Variants in UGT1A6 observed in about 807,000 individuals in gnomAD.
UGT1A6 encodes the protein UDP glucuronosyltransferase family 1 member A6.
A neutral mutation model predicts 44.4 loss-of-function variants in UGT1A6; 32 were observed. That is an observed-to-expected ratio of 0.72 (90% CI 0.54 to 0.97). UGT1A6 has a LOEUF of 0.97. Ranked by LOEUF, UGT1A6 falls within the 50% of genes least tolerant of loss-of-function variation. The probability of loss-of-function intolerance (pLI) is 0.00; values close to 1 mark genes in which losing one functional copy is unlikely to be tolerated. For synonymous variants in UGT1A6, 238 were observed against 248.5 expected, an observed-to-expected ratio of 0.96 and a Z score of 0.40; for missense variants, 685 against 661.9, an observed-to-expected ratio of 1.03 and a Z score of -0.38.
intron 1 of UGT1A6, among the ~76,000 whole-genome samples, chr2:233,737,817 A>C (rs1486472314): frequency 6.6e-6 from 1 of 152,110 alleles, no homozygotes; most frequent in Admixed American, 6.5e-5. Flanking sequence ...TCAGTGGAGC[A>C]GAACAAATTG....
intron 1 of UGT1A6, among the ~76,000 whole-genome samples, chr2:233,726,737 G>T (rs1199458141): frequency 6.6e-6 from 1 of 152,134 alleles, no homozygotes; most frequent in Non-Finnish European, 1.5e-5. Flanking sequence ...TACTTTTGTG[G>T]GGCTGTGATT....
chr2:233,731,097 C>G (rs1453448635), intron 1 of UGT1A6, among the ~76,000 whole-genome samples: 1 of 151,946 alleles, frequency 6.6e-6, no homozygotes, highest in African/African-American at 2.4e-5. Flanking sequence ...ATTTCTGTGC[C>G]TTTTTTATAA....
chr2:233,692,638 A>T (rs1027065840), upstream of UGT1A6, among the ~76,000 whole-genome samples: 1 of 152,230 alleles, frequency 6.6e-6, no homozygotes, highest in East Asian at 1.9e-4. Context: ...GACAACGTCA[A>T]TGATGAGGAA....
intron 1 of UGT1A6, among the ~76,000 whole-genome samples, chr2:233,745,867 G>A (rs553219755): frequency 6.6e-6 from 1 of 151,648 alleles, no homozygotes; most frequent in African/African-American, 2.4e-5. Flanking sequence ...TGCTGACCAA[G>A]GTTCCAGAAG....
At chr2:233,747,116 TG>T (rs1693565638) in intron 1 of UGT1A6, 1 of 1,446,720 alleles carries the variant, frequency 6.9e-7, no homozygotes, top group African/African-American at 1.4e-5. Context: ...CATGATGATT[TG>T]CTAAGTGGCT....
Position 233,709,184 on chromosome 2 carries a change from T to C in UGT1A6, c.861+15319T>C, listed in dbSNP as rs536582073. On this transcript the variant is annotated intron_variant, in intron 1 of 4. Transcript: ENST00000305139. ...CTAGGTCACATGTTCTATCCTGAGC[T>C]GGGAGTGGATCCTCACCAGAAGTAC... Among the ~76,000 whole-genome samples the C allele has an allele frequency of 5.9e-5, 9 of 152,238 alleles. No homozygotes were observed. The East Asian group carries it at 7.7e-4, about 13-fold the overall frequency.
intron 1 of UGT1A6, among the ~76,000 whole-genome samples, chr2:233,700,967 G>A (rs1055144639): frequency 1.3e-5 from 2 of 152,032 alleles, no homozygotes; most frequent in Non-Finnish European, 2.9e-5. Context: ...AGAACATGCG[G>A]TGTTTGATTT....
intron 1 of UGT1A6, among the ~76,000 whole-genome samples, chr2:233,715,962 T>C (rs181027310): frequency 6.6e-5 from 10 of 152,310 alleles, no homozygotes; most frequent in Non-Finnish European, 1.2e-4. Flanking sequence ...GACTGACTGA[T>C]TGACTGATTG....
At chr2:233,766,659 G>C (rs1373000724) in intron 1 of UGT1A6, among the ~76,000 whole-genome samples, 1 of 152,094 alleles carries the variant, frequency 6.6e-6, no homozygotes, top group Non-Finnish European at 1.5e-5. Context: ...AAGGGACCAC[G>C]CCCTTCCCAG....
chr2:233,743,990 C>T (rs541433916), intron 1 of UGT1A6: 26 of 1,267,206 alleles, frequency 2.1e-5, no homozygotes, highest in Admixed American at 2.4e-5. Context: ...GGCGCAGGCC[C>T]GAGTGCTCGG....
At chr2:233,735,872 G>C (rs1314533195) in intron 1 of UGT1A6, among the ~76,000 whole-genome samples, 1 of 152,196 alleles carries the variant, frequency 6.6e-6, no homozygotes, top group Non-Finnish European at 1.5e-5. Context: ...TTTCTGCAGA[G>C]AGATCTGCTG....
At chr2:233,724,935 G>A (rs1212268731) in intron 1 of UGT1A6, among the ~76,000 whole-genome samples, 1 of 143,666 alleles carries the variant, frequency 7.0e-6, no homozygotes, top group South Asian at 2.5e-4. Flanking sequence ...ACGAGACTCC[G>A]TCTGCAATCC....
chr2:233,719,036 G>T lies in UGT1A6; in HGVS notation c.861+25171G>T, dbSNP rs148862762. Reference sequence around the variant, plus strand: ...AGGTGAATATGCACATCAAAGAAGAGAAATTTTTCACCCTGACAGCCTATG... The same window carrying T: ...AGGTGAATATGCACATCAAAGAAGATAAATTTTTCACCCTGACAGCCTATG... On this transcript the variant is annotated intron_variant, in intron 1 of 4. Transcript: ENST00000305139. 1.2e-4 allele frequency: 194 copies of T among 1,614,156 alleles called. 1 individual carries two copies. The highest frequency in any genetic ancestry group is 3.6e-5 in the Non-Finnish European group (43 of 1,180,050).
At chr2:233,720,590 G>A (rs1172062832) in intron 1 of UGT1A6, among the ~76,000 whole-genome samples, 2 of 152,014 alleles carry the variant, frequency 1.3e-5, no homozygotes, top group Non-Finnish European at 2.9e-5. Context: ...AATTTCAGAG[G>A]TGACTTTCAT....
rs1042707 is a variant in UGT1A6 at position 233,693,061 on chromosome 2, A to T, written c.57A>T (p.Ala19=). 1 of 1,614,096 alleles carries T rather than the reference A, an allele frequency of 6.2e-7. No homozygotes were observed. Among genetic ancestry groups the T allele is most frequent in the Non-Finnish European group, 8.5e-7 (1 of 1,180,004 alleles). Residue 19 remains alanine, a synonymous_variant, in exon 1 of 5, where the codon GCA becomes GCT. Transcript: ENST00000305139. ...TTTCTGCAGGGGTTTTCTTCTTAGCACTTTGGGGCATGGTTGTAGGTGACA... is the reference window on the plus strand; with the variant it reads ...TTTCTGCAGGGGTTTTCTTCTTAGCTCTTTGGGGCATGGTTGTAGGTGACA... ...QRISAGVFFL[A]LWGMVVGDKL...
intron 1 of UGT1A6, among the ~76,000 whole-genome samples, chr2:233,699,067 C>A (rs918094960): frequency 6.6e-6 from 1 of 152,338 alleles, no homozygotes. Flanking sequence ...CCAGCCCTGC[C>A]CAGGGCCTTC....
Position 233,769,827 on chromosome 2 carries a change from C to A in UGT1A6, c.1301+1388C>A, listed in dbSNP as rs926014830. ...CCGTGATCATGCCACTGCACTCCAGCAACCTGGGCAACAGAGTGAGACCCT... is the reference window on the plus strand; with the variant it reads ...CCGTGATCATGCCACTGCACTCCAGAAACCTGGGCAACAGAGTGAGACCCT... On this transcript the variant is annotated intron_variant, in intron 4 of 4. Transcript: ENST00000305139. This position sits in a 1 kb window ranked among gnomAD's most constrained non-coding sequence, Gnocchi z 4.4. 26 of 649,106 alleles carry A rather than the reference C, an allele frequency of 4.0e-5. No individual in the cohort carries two copies. The highest frequency in any genetic ancestry group is 5.2e-5 in the Non-Finnish European group (23 of 440,480). 40.2% of individuals were successfully genotyped at this position (649,106 alleles called of 1,614,324 possible). A position where few individuals can be genotyped will look rare whatever the true frequency, so the allele number is the denominator to read the frequency against.
At chr2:233,727,899 C>T (rs1376574896) in intron 1 of UGT1A6, among the ~76,000 whole-genome samples, 1 of 152,176 alleles carries the variant, frequency 6.6e-6, no homozygotes, top group Admixed American at 6.5e-5. Context: ...CACGGCCAGG[C>T]AAGAAGACAC....
At chr2:233,692,087 A>T (rs2075077184), upstream of UGT1A6, 1 of 152,214 alleles carries the variant, frequency 6.6e-6, no homozygotes, top group Admixed American at 6.5e-5. Flanking sequence ...TTGAAGATTG[A>T]TTTGATCACC....
Sources: allele counts gnomAD v4.1 joint callset (sites outside exome capture counted in the v4.1 genomes callset), GRCh38; gene constraint gnomAD v4.1.1; non-coding constraint Gnocchi (gnomAD v3.1); transcripts MANE v1.5; gene names NCBI Gene and HGNC (gene_info 2026-07-23, HGNC 2026-07-21).